Variants in MAP2K5 observed in about 807,000 individuals in gnomAD.
MAP2K5 encodes dual specificity mitogen-activated protein kinase kinase 5.
MAP2K5 carries 49 observed loss-of-function variants against 83.1 expected under a neutral mutation model. The observed-to-expected ratio is 0.59, with a 90% CI of 0.47 to 0.75. MAP2K5 has a LOEUF of 0.75. Ranked by LOEUF, MAP2K5 falls within the 30% of genes least tolerant of loss-of-function variation. The pLI, the probability that MAP2K5 is intolerant of heterozygous loss-of-function variation, is 0.00. For missense variants in MAP2K5, 457 were observed against 557.5 expected, an observed-to-expected ratio of 0.82 and a Z score of 1.82; for synonymous variants, 202 against 191.8, an observed-to-expected ratio of 1.05 and a Z score of -0.44.
At chr15:67,679,569 A>G (rs1439528368) in intron 13 of MAP2K5, 5 of 152,196 alleles carry the variant, frequency 3.3e-5, no homozygotes, top group African/African-American at 9.7e-5. Flanking sequence ...TAAAATTAAT[A>G]TCTTTCTTTA....
At chr15:67,633,621 A>G (rs1340461336) in intron 9 of MAP2K5, among the ~76,000 whole-genome samples, 1 of 152,244 alleles carries the variant, frequency 6.6e-6, no homozygotes, top group East Asian at 1.9e-4. Flanking sequence ...TTACAAATAT[A>G]CTGTTCACTA....
At position 67,675,670 on chromosome 15, in the gene MAP2K5, G is replaced by C. The variant is rs1022498275; in HGVS notation, c.847+11025G>C. Among the ~76,000 whole-genome samples, 4 of 152,116 alleles carry C rather than the reference G, an allele frequency of 2.6e-5. No individual in the cohort carries two copies. The East Asian group carries it at 7.7e-4, about 29-fold the overall frequency. On this transcript the variant is annotated intron_variant, in intron 13 of 21. Coordinates refer to ENST00000178640, the MANE Select transcript of MAP2K5 (RefSeq NM_145160.3). ...TTTGAGATAACTGTGTAAATCTATA[G>C]TTATCTCAAAATTAAAAGCTTAATG... is the stretch of plus-strand genomic sequence containing the variant.
chr15:67,614,828 T>C (rs970269371), intron 8 of MAP2K5, among the ~76,000 whole-genome samples: 2 of 152,152 alleles, frequency 1.3e-5, no homozygotes, highest in African/African-American at 4.8e-5. Context: ...AATGTAGAGT[T>C]ACAGTAGCTT....
intron 1 of MAP2K5, chr15:67,548,938 G>A: frequency 9.3e-7 from 1 of 1,072,444 alleles, no homozygotes; most frequent in Non-Finnish European, 1.3e-6. Context: ...CACTATAGAG[G>A]CAAGACTATT....
rs369831694 is a variant in MAP2K5 at position 67,738,713 on chromosome 15, G to T, written c.1075-9518G>T. 2.0e-5 allele frequency among the ~76,000 whole-genome samples: 3 copies of T among 152,190 alleles called. No individual in the cohort carries two copies. The highest frequency in any genetic ancestry group is 4.4e-5 in the Non-Finnish European group (3 of 68,024). On this transcript the variant is annotated intron_variant, in intron 17 of 21. Transcript: ENST00000178640. The surrounding 1 kb of genome is among the most constrained non-coding windows in gnomAD (Gnocchi z 4.1). ...CATACACATGTACACACAACCACAC[G>T]AGCAGCTCTGCTTCTATCTGGTAAT...
At chr15:67,612,993 TAGTTAAAAG>T (rs1351821203) in intron 8 of MAP2K5, among the ~76,000 whole-genome samples, 10 of 44,720 alleles carry the variant, frequency 2.2e-4, no homozygotes, top group Admixed American at 1.1e-3. Context: ...ATTTAGCTGA[TAGTTAAAAG>T]AGGAGTTATT....
At chr15:67,635,464 CG>C (rs2086583193) in intron 9 of MAP2K5, among the ~76,000 whole-genome samples, 1 of 151,980 alleles carries the variant, frequency 6.6e-6, no homozygotes, top group South Asian at 2.1e-4. Flanking sequence ...TGTGAGTCAC[CG>C]TGCCCGGCCT....
rs2090093016 is a variant in MAP2K5, at chr15:67,768,927, T to C, written c.1135-675T>C. ...GGTGGTTGTTTGTTGCTGTGTAGTT[T>C]TCTGCTTTTTTGACTGACTCCCACC... On this transcript the variant is annotated intron_variant, in intron 19 of 21. Coordinates refer to ENST00000178640, the MANE Select transcript of MAP2K5 (RefSeq NM_145160.3). The surrounding 1 kb of genome is among the most constrained non-coding windows in gnomAD (Gnocchi z 4.0). Among the ~76,000 whole-genome samples, 1 of 152,228 alleles carries C rather than the reference T, an allele frequency of 6.6e-6. No homozygotes were observed. Among genetic ancestry groups the C allele is most frequent in the African/African-American group, 2.4e-5 (1 of 41,456 alleles).
intron 11 of MAP2K5, among the ~76,000 whole-genome samples, chr15:67,655,147 T>C (rs1197130515): frequency 1.3e-5 from 2 of 152,222 alleles, no homozygotes; most frequent in African/African-American, 4.8e-5. Context: ...ATTATTGTCA[T>C]ATAAGTTACA....
At chr15:67,588,028 C>G in intron 6 of MAP2K5, 1 of 905,010 alleles carries the variant, frequency 1.1e-6, no homozygotes, top group Non-Finnish European at 1.3e-6. Context: ...CACCCTGCAG[C>G]TGGAGCCATC....
intron 15 of MAP2K5, among the ~76,000 whole-genome samples, chr15:67,699,946 G>A (rs2088372305): frequency 6.9e-6 from 1 of 145,036 alleles, no homozygotes; most frequent in Admixed American, 7.0e-5. Flanking sequence ...TGTTCTGTCT[G>A]CCTACACAGG....
chr15:67,715,929 G>A (rs542044768), intron 16 of MAP2K5, among the ~76,000 whole-genome samples: 1 of 152,242 alleles, frequency 6.6e-6, no homozygotes, highest in East Asian at 1.9e-4. Context: ...CCATCCCTGG[G>A]GACACATAAG....
intron 13 of MAP2K5, among the ~76,000 whole-genome samples, chr15:67,681,259 A>C (rs2141184427): frequency 6.6e-6 from 1 of 152,376 alleles, no homozygotes; most frequent in South Asian, 2.1e-4. Flanking sequence ...CTGATCTTCC[A>C]ACACTGGCAA....
chr15:67,699,859 C>G (rs769949739), intron 15 of MAP2K5, among the ~76,000 whole-genome samples: 1 of 151,720 alleles, frequency 6.6e-6, no homozygotes, highest in African/African-American at 2.4e-5. Flanking sequence ...ATATTGGACA[C>G]AGCAGAAGAG....
At position 67,646,255 on chromosome 15, in the gene MAP2K5, G is replaced by A; in HGVS notation, c.610G>A (p.Glu204Lys). Residue 204 changes from glutamate (E) to lysine (K), a missense_variant, in exon 10 of 22, where the codon GAA becomes AAA. Glu to Lys is a moderately conservative substitution (Grantham distance 56, BLOSUM62 1). This residue lies in a region of MAP2K5 where 168 missense variants were observed against 263.0 expected (regional missense o/e 0.64). Transcript: ENST00000178640. ...VKVILLDITLELQKQIMSELE... is the reference protein window; with the variant it reads ...VKVILLDITLKLQKQIMSELE... ...GGTCATACTACTAGATATTACACTG[G>A]AACTTCAGAAGCAAATTATGTCTGA... 7.0e-7 allele frequency: 1 copy of A among 1,420,824 alleles called. No individual in the cohort carries two copies. The highest frequency in any genetic ancestry group is 9.8e-7 in the Non-Finnish European group (1 of 1,019,310). 88.0% of individuals were successfully genotyped at this position (1,420,824 alleles called of 1,614,324 possible).
At position 67,782,332 on chromosome 15, in the gene MAP2K5, A is replaced by T. The variant is rs1423861539; in HGVS notation, c.1242+9580A>T. ...CAATGAGAGATAAACAACTGCAATT[A>T]AGGCAAATCTGCCGATGTAAACAAA... is the stretch of plus-strand genomic sequence containing the variant. On this transcript the variant is annotated intron_variant, in intron 21 of 21. Coordinates refer to ENST00000178640, the MANE Select transcript of MAP2K5 (RefSeq NM_145160.3). The surrounding 1 kb of genome is among the most constrained non-coding windows in gnomAD (Gnocchi z 4.9). 2.0e-5 allele frequency among the ~76,000 whole-genome samples: 3 copies of T among 152,244 alleles called. No individual in the cohort carries two copies. The highest frequency in any genetic ancestry group is 2.0e-4 in the Admixed American group (3 of 15,286).
At position 67,668,276 on chromosome 15, in the gene MAP2K5, A is replaced by G. The variant is rs902086134; in HGVS notation, c.847+3631A>G. 6.6e-5 allele frequency among the ~76,000 whole-genome samples: 10 copies of G among 152,166 alleles called. No individual in the cohort carries two copies. The highest frequency in any genetic ancestry group is 1.3e-4 in the Non-Finnish European group (9 of 68,024). On this transcript the variant is annotated intron_variant, in intron 13 of 21. Coordinates refer to ENST00000178640, the MANE Select transcript of MAP2K5 (RefSeq NM_145160.3). The surrounding 1 kb of genome is among the most constrained non-coding windows in gnomAD (Gnocchi z 4.0). The stretch of plus-strand genomic sequence containing the variant: ...CCAAGCCAGGGAGAGAGTTTATTAT[A>G]CTTTATATTACTGAGTCAAAAATTA...
At chr15:67,666,317 T>C (rs189086837) in intron 13 of MAP2K5, among the ~76,000 whole-genome samples, 2 of 152,358 alleles carry the variant, frequency 1.3e-5, no homozygotes, top group East Asian at 3.9e-4. Context: ...TTTTCTTCTT[T>C]AAAATTAGAA....
At chr15:67,729,703 G>T (rs1749596686) in intron 17 of MAP2K5, among the ~76,000 whole-genome samples, 1 of 152,106 alleles carries the variant, frequency 6.6e-6, no homozygotes, top group African/African-American at 2.4e-5. Context: ...GGTGGAGCTT[G>T]CAGTGAGCCG....
Sources: gnomAD v4.1 joint callset for allele counts (sites outside exome capture counted in the v4.1 genomes callset) on GRCh38, gnomAD v4.1.1 for gene constraint, gnomAD v4.1.1 regional missense constraint, Gnocchi (gnomAD v3.1) non-coding constraint, MANE v1.5 for transcripts, NCBI Gene and HGNC (gene_info 2026-07-23, HGNC 2026-07-21) for gene names.